MGAT4C: variants seen among roughly 807,000 people sequenced by gnomAD.
MGAT4C encodes MGAT4 family member C.
In MGAT4C, 19 loss-of-function variants were observed where a neutral mutation model predicts 40.1. That is an observed-to-expected ratio of 0.47 (90% CI 0.33 to 0.70). The LOEUF is 0.70. Among genes scored for constraint, MGAT4C ranks in the 30% least tolerant of loss-of-function variants. The probability of loss-of-function intolerance (pLI) is 0.02; values close to 1 mark genes in which losing one functional copy is unlikely to be tolerated. For synonymous variants in MGAT4C, 181 were observed against 187.1 expected (o/e 0.97, Z 0.27); for missense variants, 491 against 563.2 (o/e 0.87, Z 1.30).
intron 2 of MGAT4C, among the ~76,000 whole-genome samples, chr12:86,695,481 TGCACTGTTCACAATA>T (rs1156510239): frequency 1.3e-5 from 2 of 152,220 alleles, no homozygotes; most frequent in Non-Finnish European, 2.9e-5. Flanking sequence ...TATTTGTTGT[TGCACTGTTCACAATA>T]GCAAAAATTT....
rs192831497 is a variant in MGAT4C, at chr12:86,809,360, A to C, written c.-262+29306T>G. ...TTGAGCTCTAATGATAAAAACTACC[A>C]TGAATATTTTTGTTCAAGTTTTTTT... On this transcript the variant is annotated intron_variant, in intron 1 of 7. Coordinates refer to the MGAT4C transcript ENST00000548651. Among the ~76,000 whole-genome samples the C allele has an allele frequency of 2.4e-3, 371 of 152,164 alleles. 1 individual carries two copies. Among genetic ancestry groups the C allele is most frequent in the Non-Finnish European group, 3.3e-3 (226 of 67,988 alleles).
intron 3 of MGAT4C, among the ~76,000 whole-genome samples, chr12:86,408,323 T>G (rs957489890): frequency 6.6e-6 from 1 of 151,816 alleles, no homozygotes; most frequent in African/African-American, 2.4e-5. Context: ...TGAGATGAAT[T>G]GAGTGTTCTT....
intron 3 of MGAT4C, among the ~76,000 whole-genome samples, chr12:86,401,020 A>G (rs1208886991): frequency 6.6e-6 from 1 of 152,132 alleles, no homozygotes; most frequent in Non-Finnish European, 1.5e-5. Flanking sequence ...AGACTTTACT[A>G]AAGAAAAATT....
At chr12:85,997,047 TA>T (rs1886708438) in intron 2 of MGAT4C, among the ~76,000 whole-genome samples, 1 of 152,198 alleles carries the variant, frequency 6.6e-6, no homozygotes, top group Admixed American at 6.5e-5. Context: ...CAGGGCAATT[TA>T]CAACAGAAAG....
chr12:86,517,747 G>A (rs1357956381), intron 2 of MGAT4C, among the ~76,000 whole-genome samples: 1 of 152,140 alleles, frequency 6.6e-6, no homozygotes, highest in Non-Finnish European at 1.5e-5. Context: ...CCGGGTTCAC[G>A]CCATTCTCCT....
chr12:86,191,133 A>ACC (rs1555243415), intron 1 of MGAT4C, among the ~76,000 whole-genome samples: 3 of 123,530 alleles, frequency 2.4e-5, no homozygotes, highest in Non-Finnish European at 5.2e-5. Context: ...ACACACACAC[A>ACC]CCCCTATAGG....
chr12:86,296,449 A>G (rs1204089888), intron 4 of MGAT4C, among the ~76,000 whole-genome samples: 2 of 152,186 alleles, frequency 1.3e-5, no homozygotes, highest in Admixed American at 6.5e-5. Flanking sequence ...GCCGTGGAGC[A>G]GGGGGCGGCA....
At chr12:86,108,860 C>A (rs1231923160) in intron 1 of MGAT4C, among the ~76,000 whole-genome samples, 1 of 152,132 alleles carries the variant, frequency 6.6e-6, no homozygotes, top group Non-Finnish European at 1.5e-5. Flanking sequence ...CCAACTCCTG[C>A]TCCTTCAAAG....
intron 4 of MGAT4C, among the ~76,000 whole-genome samples, chr12:86,280,357 C>T (rs1161369917): frequency 6.6e-6 from 1 of 151,598 alleles, no homozygotes; most frequent in Non-Finnish European, 1.5e-5. Flanking sequence ...TTATTATATC[C>T]TGTCATTACA....
intron 3 of MGAT4C, among the ~76,000 whole-genome samples, chr12:86,353,178 A>G (rs182380515): frequency 6.6e-6 from 1 of 152,096 alleles, no homozygotes; most frequent in Admixed American, 6.6e-5. Flanking sequence ...CCACTTTTCA[A>G]TGCTTATCTC....
intron 1 of MGAT4C, among the ~76,000 whole-genome samples, chr12:86,211,716 C>G (rs1342191649): frequency 6.6e-6 from 1 of 152,030 alleles, no homozygotes; most frequent in African/African-American, 2.4e-5. Context: ...TAACCATTTC[C>G]CTTGCTATTA....
chr12:86,511,674 G>A (rs1266062022), intron 2 of MGAT4C, among the ~76,000 whole-genome samples: 1 of 152,006 alleles, frequency 6.6e-6, no homozygotes, highest in Non-Finnish European at 1.5e-5. Flanking sequence ...TCAACAAATG[G>A]TGCTGAGAAA....
At chr12:86,043,747 AG>A (rs962726934) in intron 2 of MGAT4C, among the ~76,000 whole-genome samples, 18 of 152,328 alleles carry the variant, frequency 1.2e-4, no homozygotes, top group African/African-American at 3.8e-4. Context: ...CCTCTCTTTC[AG>A]GGATGTCAAT....
At chr12:86,709,004 G>A (rs1338748112) in intron 2 of MGAT4C, among the ~76,000 whole-genome samples, 3 of 152,138 alleles carry the variant, frequency 2.0e-5, no homozygotes, top group South Asian at 2.1e-4. Flanking sequence ...GGCATGATTA[G>A]TTTTGAAATG....
At chr12:86,241,554 ATTGT>A (rs772443419) in intron 1 of MGAT4C, among the ~76,000 whole-genome samples, 8 of 152,104 alleles carry the variant, frequency 5.3e-5, no homozygotes, top group South Asian at 2.1e-4. Flanking sequence ...ACTGCTCCAA[ATTGT>A]TTGGGTTCTG....
chr12:86,518,206 A>G lies in MGAT4C; in HGVS notation c.-228-82941T>C, dbSNP rs186876153. 8.9e-3 allele frequency among the ~76,000 whole-genome samples: 1,352 copies of G among 152,272 alleles called. 8 individuals are homozygous for G. Among genetic ancestry groups the G allele is most frequent in the Middle Eastern group, 0.017 (5 of 294 alleles). ...CACCAACTGCATGAACAACAACAAC[A>G]AAAAAATGAATAGAGTTGACTTCAT... On this transcript the variant is annotated intron_variant, in intron 2 of 7. Coordinates refer to the MGAT4C transcript ENST00000548651.
intron 2 of MGAT4C, among the ~76,000 whole-genome samples, chr12:86,511,958 A>G (rs546278311): frequency 1.3e-5 from 2 of 152,288 alleles, no homozygotes; most frequent in Admixed American, 6.5e-5. Context: ...TGAAAAGGCA[A>G]TTTATGAATT....
intron 2 of MGAT4C, among the ~76,000 whole-genome samples, chr12:86,634,005 G>C (rs1404118878): frequency 6.6e-6 from 1 of 151,942 alleles, no homozygotes. Context: ...AATCAACGGG[G>C]AAACAGAAAC....
chr12:86,234,848 G>C (rs1951465538), intron 1 of MGAT4C, among the ~76,000 whole-genome samples: 1 of 151,812 alleles, frequency 6.6e-6, no homozygotes, highest in African/African-American at 2.4e-5. Flanking sequence ...CTCAGTTTTT[G>C]TTTTTGTTTT....
Sources: gnomAD v4.1 joint callset for allele counts (sites outside exome capture counted in the v4.1 genomes callset) on GRCh38, gnomAD v4.1.1 for gene constraint, MANE v1.5 for transcripts, NCBI Gene and HGNC (gene_info 2026-07-23, HGNC 2026-07-21) for gene names.